The following DAB1 variants were observed in gnomAD, a reference collection of about 807,000 sequenced individuals.
DAB1 encodes the protein DAB adaptor protein 1.
Under a neutral mutation model 64.6 loss-of-function variants are expected in DAB1, and 15 were observed. That is an observed-to-expected ratio of 0.23 (90% CI 0.16 to 0.36). DAB1 has a LOEUF of 0.36. Among genes scored for constraint, DAB1 ranks in the 10% least tolerant of loss-of-function variants. The probability of loss-of-function intolerance (pLI) is 1.00; values close to 1 mark genes in which losing one functional copy is unlikely to be tolerated. For missense variants in DAB1, 596 were observed against 706.7 expected (o/e 0.84, Z 1.78); for synonymous variants, 235 against 251.9 (o/e 0.93, Z 0.64).
chr1:57,533,392 AT>A (rs556083190), intron 7 of DAB1, among the ~76,000 whole-genome samples: 76 of 147,446 alleles, frequency 5.2e-4, no homozygotes, highest in South Asian at 1.1e-3. Flanking sequence ...AAGTTTAATG[AT>A]TTTTTTTTTT....
At position 57,337,984 on chromosome 1, in the gene DAB1, CCTT is replaced by C. The variant is rs200412535; in HGVS notation, c.-136-46821_-136-46819del. Among the ~76,000 whole-genome samples the C allele has an allele frequency of 3.0e-3, 448 of 150,322 alleles. 1 individual carries two copies. Among genetic ancestry groups the C allele is most frequent in the African/African-American group, 9.7e-3 (395 of 40,924 alleles). ...CTCTTTTCTCCCTCCTCCTCCTCCT[CCTT>C]CTTCTTCTTCTTCTGAGACAAGGTT... On this transcript the variant is annotated intron_variant, in intron 1 of 14. Transcript: ENST00000371236.
chr1:58,443,865 T>G (rs541166809), intron 3 of DAB1, among the ~76,000 whole-genome samples: 2 of 152,346 alleles, frequency 1.3e-5, no homozygotes, highest in East Asian at 3.9e-4. Flanking sequence ...TAAATAATAG[T>G]TCATCCTAAA....
chr1:57,697,848 C>G (rs1009397386), intron 6 of DAB1, among the ~76,000 whole-genome samples: 15 of 152,124 alleles, frequency 9.9e-5, no homozygotes, highest in African/African-American at 3.6e-4. Flanking sequence ...ACTCAAATAC[C>G]TCCAGGGTTT....
At chr1:57,705,979 G>A (rs1478652756) in intron 6 of DAB1, among the ~76,000 whole-genome samples, 4 of 144,906 alleles carry the variant, frequency 2.8e-5, no homozygotes, top group Admixed American at 6.9e-5. Context: ...ACTTTTTCAC[G>A]GCTTACTTTT....
intron 14 of DAB1, among the ~76,000 whole-genome samples, chr1:57,004,001 T>A (rs1192431911): frequency 1.3e-5 from 2 of 152,144 alleles, no homozygotes; most frequent in African/African-American, 4.8e-5. Context: ...CATACTCAGG[T>A]CTTTTTAAGC....
intron 4 of DAB1, among the ~76,000 whole-genome samples, chr1:58,211,815 T>C (rs1212276682): frequency 1.3e-5 from 2 of 152,206 alleles, no homozygotes; most frequent in Non-Finnish European, 2.9e-5. Context: ...ATGGGATTCA[T>C]AGTCAGCTCT....
chr1:57,451,726 T>C (rs4279875), intron 7 of DAB1, among the ~76,000 whole-genome samples: 98,470 of 152,042 alleles, frequency 0.65, 32,484 homozygotes, highest in East Asian at 0.96. Flanking sequence ...CAGGCTTTCA[T>C]GGAATCAGCA....
At position 57,033,473 on chromosome 1, in the gene DAB1, G is replaced by C. The variant is rs781070069; in HGVS notation, c.724-7430C>G. The C allele has an allele frequency of 2.5e-6, 4 of 1,612,600 alleles. No individual in the cohort carries two copies. The South Asian group carries it at 4.4e-5, about 18-fold the overall frequency. ...CATGACTGATGAGCATGAAATGAAT[G>C]ATGAGAAAATGACATGAAACAGTTA... On this transcript the variant is annotated intron_variant, in intron 9 of 14. Transcript: ENST00000371236.
chr1:57,765,071 A>G (rs970782105), intron 6 of DAB1, among the ~76,000 whole-genome samples: 3 of 152,210 alleles, frequency 2.0e-5, no homozygotes, highest in Admixed American at 6.5e-5. Flanking sequence ...CAGTTCTACA[A>G]TGTTCTAGCC....
At chr1:58,380,270 T>C (rs1448639595) in intron 3 of DAB1, among the ~76,000 whole-genome samples, 2 of 152,210 alleles carry the variant, frequency 1.3e-5, no homozygotes, top group Admixed American at 6.5e-5. Flanking sequence ...TGAGCTCTCA[T>C]AAGATCAGAT....
At chr1:57,573,874 T>C (rs1214310420) in intron 7 of DAB1, among the ~76,000 whole-genome samples, 1 of 152,208 alleles carries the variant, frequency 6.6e-6, no homozygotes, top group Non-Finnish European at 1.5e-5. Flanking sequence ...ATAAATGTGA[T>C]AAATTAATGA....
chr1:58,073,368 A>G (rs1649395696), intron 5 of DAB1, among the ~76,000 whole-genome samples: 1 of 151,848 alleles, frequency 6.6e-6, no homozygotes, highest in African/African-American at 2.4e-5. Flanking sequence ...CCCACCCTCA[A>G]TTTCCACTGT....
At chr1:58,016,067 C>T (rs776023241) in intron 5 of DAB1, among the ~76,000 whole-genome samples, 3 of 152,018 alleles carry the variant, frequency 2.0e-5, no homozygotes, top group Non-Finnish European at 4.4e-5. Flanking sequence ...GAGCTGGGTC[C>T]CCATCACGTT....
At position 57,757,220 on chromosome 1, in the gene DAB1, T is replaced by TTTTTTTTTTTTTTTTTTTTTG. The variant is rs200688727; in HGVS notation, n.552-107556_552-107555insCAAAAAAAAAAAAAAAAAAAA. ...AGAATTTTTTTTTTTTTTTTTTTTTTAGCAGCAATGATGGAGGCTAACAGC... is the reference window on the plus strand; with the variant it reads ...AGAATTTTTTTTTTTTTTTTTTTTTTTTTTTTTTTTTTTTTTTTTTGAGCAGCAATGATGGAGGCTAACAGC... On this transcript the variant is annotated intron_variant and non_coding_transcript_variant, in intron 6 of 20. Transcript: ENST00000485760. Among the ~76,000 whole-genome samples, 158 of 120,146 alleles carry TTTTTTTTTTTTTTTTTTTTTG rather than the reference T, an allele frequency of 1.3e-3. 20 individuals are homozygous for TTTTTTTTTTTTTTTTTTTTTG. The highest frequency in any genetic ancestry group is 2.2e-3 in the Non-Finnish European group (118 of 54,830). 78.8% of individuals were successfully genotyped at this position (120,146 alleles called of 152,430 possible). A position where few individuals can be genotyped will look rare whatever the true frequency, so the allele number is the denominator to read the frequency against.
chr1:57,099,585 A>G (rs777196068), intron 4 of DAB1, among the ~76,000 whole-genome samples: 2 of 152,246 alleles, frequency 1.3e-5, no homozygotes, highest in African/African-American at 4.8e-5. Context: ...TCTAGAATAC[A>G]AAGAGTTTTG....
chr1:58,284,349 C>G (rs1187076165), intron 4 of DAB1, among the ~76,000 whole-genome samples: 2 of 152,222 alleles, frequency 1.3e-5, no homozygotes, highest in Admixed American at 1.3e-4. Flanking sequence ...ATGGCTCTGC[C>G]AATACTCTGT....
intron 2 of DAB1, among the ~76,000 whole-genome samples, chr1:57,181,118 C>G (rs1055266282): frequency 2.0e-5 from 3 of 152,154 alleles, no homozygotes; most frequent in Non-Finnish European, 4.4e-5. Flanking sequence ...GAGCATGTAA[C>G]CCGGTGCTAT....
intron 3 of DAB1, among the ~76,000 whole-genome samples, chr1:58,394,415 G>A (rs1003528954): frequency 3.3e-5 from 5 of 152,162 alleles, no homozygotes; most frequent in Admixed American, 6.5e-5. Context: ...ACCTGTACAT[G>A]AGTGCTCATG....
intron 4 of DAB1, among the ~76,000 whole-genome samples, chr1:58,199,528 T>C (rs1485262841): frequency 2.6e-5 from 4 of 152,168 alleles, no homozygotes; most frequent in African/African-American, 7.2e-5. Flanking sequence ...GCTTATAGGA[T>C]TGTTCTGAGG....
Sources: allele counts gnomAD v4.1 joint callset (sites outside exome capture counted in the v4.1 genomes callset), GRCh38; gene constraint gnomAD v4.1.1; transcripts MANE v1.5; gene names NCBI Gene and HGNC (gene_info 2026-07-23, HGNC 2026-07-21).